Variants in OSBPL6 observed in about 807,000 individuals in gnomAD.
OSBPL6 encodes oxysterol binding protein like 6, also known as oxysterol-binding protein-related protein 6.
Under a neutral mutation model 125.8 loss-of-function variants are expected in OSBPL6, and 49 were observed. The ratio of observed to expected loss-of-function variants is 0.39; its 90% confidence interval spans 0.31 to 0.49. OSBPL6 has a LOEUF of 0.49. Among genes scored for constraint, OSBPL6 ranks in the 20% least tolerant of loss-of-function variants. The pLI, the probability that OSBPL6 is intolerant of heterozygous loss-of-function variation, is 0.88. For synonymous variants in OSBPL6, 394 were observed against 391.8 expected (o/e 1.01, Z -0.07); for missense variants, 986 against 1,135.4 (o/e 0.87, Z 1.89).
chr2:178,306,845 C>T (rs1686807926), intron 3 of OSBPL6, among the ~76,000 whole-genome samples: 1 of 152,158 alleles, frequency 6.6e-6, no homozygotes, highest in African/African-American at 2.4e-5. Context: ...CCCATGGTCC[C>T]ATTTGAGCCA....
At chr2:178,281,869 C>T (rs769258399) in intron 1 of OSBPL6, among the ~76,000 whole-genome samples, 40 of 152,026 alleles carry the variant, frequency 2.6e-4, no homozygotes, top group Non-Finnish European at 4.9e-4. Context: ...ACCTAGGTGA[C>T]GGGTTGATAG....
Position 178,394,363 on chromosome 2 carries a change from T to G in OSBPL6, c.2624T>G (p.Val875Gly). 6.2e-7 allele frequency: 1 copy of G among 1,613,414 alleles called. No homozygotes were observed. The highest frequency in any genetic ancestry group is 8.5e-7 in the Non-Finnish European group (1 of 1,179,772). ...LEAAASEKQRVEELQRSRRRY... is the reference protein window; with the variant it reads ...LEAAASEKQRGEELQRSRRRY... ...GCTGCAGCATCAGAGAAGCAAAGAG[T>G]AGAGGAACTCCAGAGATCTCGGAGA... The change falls in exon 24 of 25, where the codon GTA (valine) becomes GGA (glycine). Residue 875 changes from valine (V) to glycine (G), a missense_variant. By Grantham distance (109) the Val-to-Gly change is moderately radical. This residue lies in a region of OSBPL6 where 843 missense variants were observed against 997.3 expected (regional missense o/e 0.85). Coordinates refer to ENST00000190611, the MANE Select transcript of OSBPL6 (RefSeq NM_032523.4).
At position 178,328,249 on chromosome 2, in the gene OSBPL6, C is replaced by T; in HGVS notation, c.196-7C>T. ...ACATGTGATTTGTTTTTCTTCTTTT[C>T]TCTCAGGAAGCTGACAGCTGGGAAA... On this transcript the variant is annotated splice_region_variant and splice_polypyrimidine_tract_variant and intron_variant, in intron 4 of 24. Coordinates refer to ENST00000190611, the MANE Select transcript of OSBPL6 (RefSeq NM_032523.4). 6.2e-7 allele frequency: 1 copy of T among 1,612,458 alleles called. No individual in the cohort carries two copies. The highest frequency in any genetic ancestry group is 1.1e-5 in the South Asian group (1 of 90,780).
chr2:178,258,602 C>G (rs1457708321), intron 1 of OSBPL6, among the ~76,000 whole-genome samples: 1 of 152,122 alleles, frequency 6.6e-6, no homozygotes, highest in Non-Finnish European at 1.5e-5. Context: ...AGAAGTTTAC[C>G]TATACTGAAA....
intron 1 of OSBPL6, among the ~76,000 whole-genome samples, chr2:178,260,111 C>T (rs1445953392): frequency 6.6e-6 from 1 of 152,210 alleles, no homozygotes; most frequent in African/African-American, 2.4e-5. Context: ...CAGCTACCTG[C>T]TGCTAATGAT....
intron 6 of OSBPL6, among the ~76,000 whole-genome samples, chr2:178,331,949 G>A (rs1278428896): frequency 6.6e-6 from 1 of 152,148 alleles, no homozygotes; most frequent in Admixed American, 6.5e-5. Context: ...TCTTGTCAAT[G>A]TCCTTTTAAA....
chr2:178,393,311 C>G (rs918716832), intron 23 of OSBPL6, among the ~76,000 whole-genome samples: 1 of 152,194 alleles, frequency 6.6e-6, no homozygotes, highest in Non-Finnish European at 1.5e-5. Context: ...TTTGATCCCA[C>G]AGAGTATGAG....
At chr2:178,313,953 T>C (rs1687517945) in intron 3 of OSBPL6, among the ~76,000 whole-genome samples, 1 of 152,150 alleles carries the variant, frequency 6.6e-6, no homozygotes, top group Non-Finnish European at 1.5e-5. Context: ...AACCAGACAG[T>C]AAAAATGTCT....
At chr2:178,382,546 T>A in intron 16 of OSBPL6, 39 bp downstream of exon 16, 2 of 1,613,292 alleles carry the variant, frequency 1.2e-6, no homozygotes, top group Non-Finnish European at 8.5e-7. Context: ...TCTATCTACA[T>A]GCCAAATTGC....
intron 13 of OSBPL6, among the ~76,000 whole-genome samples, chr2:178,370,629 A>G (rs903131359): frequency 3.3e-5 from 5 of 152,204 alleles, no homozygotes; most frequent in African/African-American, 1.2e-4. Context: ...TTTATCTACT[A>G]AGAATGTTAT....
chr2:178,218,393 TAAA>T (rs757915872), intron 1 of OSBPL6, among the ~76,000 whole-genome samples: 3 of 115,170 alleles, frequency 2.6e-5, no homozygotes, highest in African/African-American at 1.3e-4. Flanking sequence ...TAAGCATTAT[TAAA>T]AAAAAAAAAA....
chr2:178,339,537 G>A lies in OSBPL6; in HGVS notation c.895-135G>A, dbSNP rs559347666. The A allele has an allele frequency of 3.7e-5, 18 of 481,714 alleles. No individual in the cohort carries two copies. The South Asian group carries it at 9.4e-4, about 25-fold the overall frequency. The allele number at this position is 481,714 out of a possible 1,614,324, so 29.8% of individuals were successfully genotyped here. A position where few individuals can be genotyped will look rare whatever the true frequency, so the allele number is the denominator to read the frequency against. On this transcript the variant is annotated intron_variant, in intron 10 of 24. Transcript: ENST00000190611. ...TTAATGCCCACTATTCGTCTAATAT[G>A]CCTTTCTGTCCTGGCTGGTTTGCTT...
intron 2 of OSBPL6, among the ~76,000 whole-genome samples, chr2:178,297,127 C>T (rs892330441): frequency 1.4e-4 from 22 of 152,098 alleles, no homozygotes; most frequent in African/African-American, 4.8e-4. Flanking sequence ...CCTCAGGCCC[C>T]TATAGTACTG....
chr2:178,234,545 C>A (rs170791), intron 1 of OSBPL6, among the ~76,000 whole-genome samples: 50,487 of 152,050 alleles, frequency 0.33, 8,948 homozygotes, highest in African/African-American at 0.44. Flanking sequence ...TAACATCTTA[C>A]AAAACTATAG....
chr2:178,285,599 T>C (rs996547050), intron 2 of OSBPL6, among the ~76,000 whole-genome samples: 2 of 152,266 alleles, frequency 1.3e-5, no homozygotes, highest in African/African-American at 4.8e-5. Flanking sequence ...GAAATGGCTG[T>C]GGTACTAGCA....
chr2:178,309,124 C>G (rs997148015), intron 3 of OSBPL6, among the ~76,000 whole-genome samples: 2 of 152,134 alleles, frequency 1.3e-5, no homozygotes, highest in Non-Finnish European at 2.9e-5. Context: ...ACCCTCCTCT[C>G]AACCAGATGC....
chr2:178,289,132 C>T lies in OSBPL6; in HGVS notation c.-156+4011C>T, dbSNP rs550333728. On this transcript the variant is annotated intron_variant, in intron 2 of 24. Transcript: ENST00000190611. ...TTCTGGGCTTAAGCGATTCTCCTGG[C>T]TCACCCTCCCGAGTAGCTGGGACTA... Among the ~76,000 whole-genome samples, 21 of 149,926 alleles carry T rather than the reference C, an allele frequency of 1.4e-4. 1 individual carries two copies. The South Asian group carries it at 4.4e-3, about 32-fold the overall frequency.
At chr2:178,294,077 A>T (rs1685518754) in intron 2 of OSBPL6, among the ~76,000 whole-genome samples, 1 of 152,182 alleles carries the variant, frequency 6.6e-6, no homozygotes, top group Admixed American at 6.6e-5. Context: ...TGAGTATTTT[A>T]TTCAAATAAT....
intron 1 of OSBPL6, among the ~76,000 whole-genome samples, chr2:178,260,911 T>C (rs942939364): frequency 6.6e-6 from 1 of 152,118 alleles, no homozygotes; most frequent in South Asian, 2.1e-4. Flanking sequence ...CTTGGGAGGT[T>C]GAGGCAGGCA....
Sources: allele counts gnomAD v4.1 joint callset (sites outside exome capture counted in the v4.1 genomes callset), GRCh38; gene constraint gnomAD v4.1.1; regional missense constraint gnomAD v4.1.1; transcripts MANE v1.5; gene names NCBI Gene and HGNC (gene_info 2026-07-23, HGNC 2026-07-21).